The following CADM2 variants were observed in gnomAD, a reference collection of about 807,000 sequenced individuals.
CADM2 encodes the protein immunoglobulin superfamily member 4D.
Under a neutral mutation model 49.8 loss-of-function variants are expected in CADM2, and 12 were observed. That is an observed-to-expected ratio of 0.24 (90% CI 0.15 to 0.39). CADM2 has a LOEUF of 0.39. CADM2 is among the 10% of genes least tolerant of loss of function. The pLI is 1.00. For synonymous variants in CADM2, 214 were observed against 175.4 expected, an observed-to-expected ratio of 1.22 and a Z score of -1.74; for missense variants, 378 against 492.3, an observed-to-expected ratio of 0.77 and a Z score of 2.20.
intron 1 of CADM2, among the ~76,000 whole-genome samples, chr3:85,552,058 A>G (rs879902215): frequency 1.3e-5 from 2 of 152,182 alleles, no homozygotes; most frequent in Admixed American, 1.3e-4. Context: ...TCAATATTCT[A>G]ACATTTCATG....
chr3:85,801,313 G>A (rs898904532), intron 2 of CADM2, among the ~76,000 whole-genome samples: 1 of 152,014 alleles, frequency 6.6e-6, no homozygotes, highest in African/African-American at 2.4e-5. Flanking sequence ...ATTAACAAGG[G>A]TCATTTAAAA....
intron 8 of CADM2, among the ~76,000 whole-genome samples, chr3:86,021,712 A>T (rs1037440991): frequency 6.6e-6 from 1 of 152,226 alleles, no homozygotes. Flanking sequence ...TGAGGGTTAA[A>T]TAATATTTGA....
intron 1 of CADM2, among the ~76,000 whole-genome samples, chr3:85,655,385 T>C (rs528064305): frequency 6.6e-6 from 1 of 151,990 alleles, no homozygotes; most frequent in African/African-American, 2.4e-5. Context: ...GGTCTCGAAC[T>C]CCAGACATTG....
chr3:85,736,823 G>A (rs142349111), intron 2 of CADM2, among the ~76,000 whole-genome samples: 58 of 152,218 alleles, frequency 3.8e-4, no homozygotes, highest in Non-Finnish European at 7.1e-4. Context: ...TACTATAGAT[G>A]ACAAAGAGAA....
In CADM2 at chr3:85,614,033, T is replaced by C. The variant is rs1436539640; in HGVS notation, c.62-112489T>C. ...TTTATGTAGCTGAGTGATGTACTTG[T>C]AAGAATGTTTGTTGCAAAATTATTT... is the stretch of plus-strand genomic sequence containing the variant. On this transcript the variant is annotated intron_variant, in intron 1 of 9. Transcript: ENST00000383699. 2.0e-5 allele frequency among the ~76,000 whole-genome samples: 3 copies of C among 151,816 alleles called. No individual in the cohort carries two copies. The East Asian group carries it at 5.8e-4, about 29-fold the overall frequency.
chr3:85,005,691 T>TA (rs922226180), intron 1 of CADM2, among the ~76,000 whole-genome samples: 275 of 146,434 alleles, frequency 1.9e-3, no homozygotes, highest in Middle Eastern at 3.6e-3. Flanking sequence ...TAAGATCTGA[T>TA]AAAAAAAAAA....
intron 1 of CADM2, among the ~76,000 whole-genome samples, chr3:85,407,811 T>G (rs559135907): frequency 1.1e-4 from 17 of 151,798 alleles, no homozygotes; most frequent in African/African-American, 3.6e-4. Flanking sequence ...AGTGAGACCC[T>G]GATTCTACAA....
At chr3:84,976,584 A>G (rs1575955267) in intron 1 of CADM2, among the ~76,000 whole-genome samples, 3 of 151,988 alleles carry the variant, frequency 2.0e-5, no homozygotes, top group South Asian at 4.1e-4. Flanking sequence ...TTGTCTTAGA[A>G]GTAAAGTTAG....
At chr3:85,926,029 C>A (rs140166303) in intron 6 of CADM2, among the ~76,000 whole-genome samples, 1,584 of 151,584 alleles carry the variant, frequency 0.01, 15 homozygotes, top group Middle Eastern at 0.044. Flanking sequence ...CCCAGCTACT[C>A]GGGAGGCTGA....
At chr3:85,477,727 A>G (rs1056676860) in intron 1 of CADM2, among the ~76,000 whole-genome samples, 1 of 151,854 alleles carries the variant, frequency 6.6e-6, no homozygotes, top group Non-Finnish European at 1.5e-5. Flanking sequence ...TAGATATTGC[A>G]TTGTATTTTC....
intron 1 of CADM2, among the ~76,000 whole-genome samples, chr3:85,098,221 A>T (rs2037875732): frequency 6.6e-6 from 1 of 151,398 alleles, no homozygotes; most frequent in South Asian, 2.1e-4. Context: ...GAATTCCCAG[A>T]TTCTTTATTC....
chr3:85,683,767 A>G (rs13060543), intron 1 of CADM2, among the ~76,000 whole-genome samples: 1,645 of 152,348 alleles, frequency 0.011, 13 homozygotes, highest in Admixed American at 0.017. Context: ...TACATAGAAA[A>G]CAGTGCAAAC....
At chr3:85,437,129 C>G (rs2036968806) in intron 1 of CADM2, among the ~76,000 whole-genome samples, 1 of 152,070 alleles carries the variant, frequency 6.6e-6, no homozygotes, top group Non-Finnish European at 1.5e-5. Context: ...TGGCTTCTTT[C>G]ACTTAGAAAT....
chr3:85,176,796 C>A (rs1300305761), intron 1 of CADM2, among the ~76,000 whole-genome samples: 3 of 152,092 alleles, frequency 2.0e-5, no homozygotes, highest in African/African-American at 7.2e-5. Flanking sequence ...GCATATAACA[C>A]TAGAGTTGGC....
chr3:85,788,755 C>T (rs1156935861), intron 2 of CADM2, among the ~76,000 whole-genome samples: 1 of 151,678 alleles, frequency 6.6e-6, no homozygotes, highest in Admixed American at 6.6e-5. Context: ...CAATTCATAA[C>T]TTTCCTTATA....
At chr3:85,517,905 G>A (rs575603006) in intron 1 of CADM2, among the ~76,000 whole-genome samples, 18 of 152,164 alleles carry the variant, frequency 1.2e-4, no homozygotes, top group Admixed American at 9.2e-4. Flanking sequence ...AGTGTATGGC[G>A]AATATAGTGC....
At position 85,317,262 on chromosome 3, in the gene CADM2, A is replaced by G. The variant is rs574975249; in HGVS notation, c.61+357594A>G. Among the ~76,000 whole-genome samples the G allele has an allele frequency of 6.2e-4, 95 of 152,310 alleles. 3 individuals carry two copies. The South Asian group carries it at 0.017, about 28-fold the overall frequency. On this transcript the variant is annotated intron_variant, in intron 1 of 9. Transcript: ENST00000383699. ...AATGCACTAGGCACAAGAAGCACAC[A>G]CTAAATTATCAACATAGCACCTCAT...
intron 8 of CADM2, among the ~76,000 whole-genome samples, chr3:85,977,092 G>A (rs1044742556): frequency 4.0e-5 from 6 of 150,664 alleles, no homozygotes; most frequent in East Asian, 2.0e-4. Flanking sequence ...TGGTATAAGC[G>A]GGGCAAGGTT....
At chr3:85,466,376 A>T (rs545170811) in intron 1 of CADM2, among the ~76,000 whole-genome samples, 14 of 152,200 alleles carry the variant, frequency 9.2e-5, no homozygotes, top group Non-Finnish European at 1.3e-4. Context: ...ACATTAAAAA[A>T]GTAGAGAGTG....
Sources: allele counts gnomAD v4.1 joint callset (sites outside exome capture counted in the v4.1 genomes callset), GRCh38; gene constraint gnomAD v4.1.1; transcripts MANE v1.5; gene names NCBI Gene and HGNC (gene_info 2026-07-23, HGNC 2026-07-21).